Variants in DIAPH2 observed in about 807,000 individuals in gnomAD.
DIAPH2 encodes diaphanous related formin 2.
Under a neutral mutation model 92.7 loss-of-function variants are expected in DIAPH2, and 35 were observed. The observed-to-expected ratio is 0.38, with a 90% CI of 0.29 to 0.50. DIAPH2 has a LOEUF of 0.50. Among genes scored for constraint, DIAPH2 ranks in the 20% least tolerant of loss-of-function variants. The pLI, the probability that DIAPH2 is intolerant of heterozygous loss-of-function variation, is 0.94. For synonymous variants in DIAPH2, 301 were observed against 280.4 expected, an observed-to-expected ratio of 1.07 and a Z score of -0.73; for missense variants, 701 against 819.5, an observed-to-expected ratio of 0.86 and a Z score of 1.77.
chrX:97,143,070 T>A (rs2067218648), intron 22 of DIAPH2, among the ~76,000 whole-genome samples: 1 of 111,579 alleles, frequency 9.0e-6, no homozygotes, highest in Non-Finnish European at 1.9e-5. Context: ...ACTATGATTG[T>A]ATTGTATTAT....
intron 26 of DIAPH2, among the ~76,000 whole-genome samples, chrX:97,478,876 C>T (rs1257966148): frequency 1.8e-5 from 2 of 110,916 alleles, no homozygotes; most frequent in Non-Finnish European, 3.8e-5. Context: ...GGTAGAATGC[C>T]GTGGTACCTC....
chrX:97,077,346 C>T (rs1874972602), intron 19 of DIAPH2, among the ~76,000 whole-genome samples: 1 of 112,235 alleles, frequency 8.9e-6, no homozygotes, highest in Admixed American at 9.4e-5. Flanking sequence ...CATCAATTTG[C>T]CATTCATTTG....
At chrX:97,388,499 A>G (rs2069622725) in intron 25 of DIAPH2, among the ~76,000 whole-genome samples, 1 of 111,545 alleles carries the variant, frequency 9.0e-6, no homozygotes, top group South Asian at 3.8e-4. Flanking sequence ...ATATAGGTGT[A>G]TGCTAACATG....
intron 26 of DIAPH2, among the ~76,000 whole-genome samples, chrX:97,434,777 T>G (rs1215317595): frequency 9.0e-6 from 1 of 111,551 alleles, no homozygotes; most frequent in African/African-American, 3.3e-5. Context: ...AATTCAGTTT[T>G]GGATAAGTTA....
chrX:97,468,363 A>T (rs967381479), intron 26 of DIAPH2, among the ~76,000 whole-genome samples: 1 of 111,420 alleles, frequency 9.0e-6, no homozygotes, highest in Non-Finnish European at 1.9e-5. Flanking sequence ...TAGCCCCAGT[A>T]TTTTACCACT....
chrX:97,010,034 G>A (rs1602712332), intron 17 of DIAPH2, among the ~76,000 whole-genome samples: 1 of 111,900 alleles, frequency 8.9e-6, no homozygotes, highest in East Asian at 2.8e-4. Flanking sequence ...AGTTCTTGTG[G>A]CCGAGACTGT....
intron 17 of DIAPH2, among the ~76,000 whole-genome samples, chrX:96,997,921 TGAG>T (rs1056647608): frequency 1.3e-4 from 15 of 111,955 alleles, no homozygotes; most frequent in African/African-American, 4.9e-4. Flanking sequence ...ACATTAAAGG[TGAG>T]GTGGTGAATT....
At chrX:96,984,874 A>G (rs1372639192) in intron 17 of DIAPH2, among the ~76,000 whole-genome samples, 1 of 111,775 alleles carries the variant, frequency 8.9e-6, no homozygotes, top group Non-Finnish European at 1.9e-5. Context: ...TCTTCTGAAC[A>G]TTTTATATAT....
At chrX:96,956,329 G>T (rs2065810340) in intron 15 of DIAPH2, among the ~76,000 whole-genome samples, 1 of 107,016 alleles carries the variant, frequency 9.3e-6, no homozygotes, top group Non-Finnish European at 1.9e-5. Context: ...CCTGGCACAG[G>T]AAACTATTTT....
At chrX:96,962,340 T>TATATATATAC (rs1569436477) in intron 16 of DIAPH2, among the ~76,000 whole-genome samples, 10 of 39,559 alleles carry the variant, frequency 2.5e-4, no homozygotes, top group African/African-American at 8.9e-4. Context: ...TATATATACA[T>TATATATATAC]ATATATATAT....
At chrX:96,944,890 GATAA>G (rs745835696) in intron 13 of DIAPH2, among the ~76,000 whole-genome samples, 13 of 110,805 alleles carry the variant, frequency 1.2e-4, no homozygotes, top group Non-Finnish European at 2.3e-4. Flanking sequence ...ATTTCTTTTT[GATAA>G]ATAAGTGTGG....
At chrX:96,761,568 T>C (rs1397522878) in intron 4 of DIAPH2, among the ~76,000 whole-genome samples, 2 of 111,409 alleles carry the variant, frequency 1.8e-5, no homozygotes, top group African/African-American at 6.5e-5. Flanking sequence ...AACCCAGACA[T>C]GGCCAAAATA....
At chrX:97,157,334 TATAATAATA>T (rs61008919) in intron 22 of DIAPH2, among the ~76,000 whole-genome samples, 45,507 of 103,297 alleles carry the variant, frequency 0.44, 8,769 homozygotes, top group Non-Finnish European at 0.59. Flanking sequence ...ATAATAATAA[TATAATAATA>T]ATAATAATAA....
intron 26 of DIAPH2, among the ~76,000 whole-genome samples, chrX:97,462,018 A>G (rs1461712740): frequency 9.0e-6 from 1 of 110,950 alleles, no homozygotes; most frequent in Non-Finnish European, 1.9e-5. Context: ...GAAAAGGAGG[A>G]GGGGTTATGT....
rs192730769 is a variant in DIAPH2 at position 96,708,867 on chromosome X, C to T, written c.132+23677C>T. Among the ~76,000 whole-genome samples the T allele has an allele frequency of 2.5e-3, 277 of 111,346 alleles. 2 individuals are homozygous for T. The highest frequency in any genetic ancestry group is 8.5e-3 in the African/African-American group (260 of 30,607). Reference sequence around the variant, plus strand: ...AGTCTTGCCTTCATTCACATATAAGCCTATTTTTCAGAAGTTCTCTTTTTT... The same window carrying T: ...AGTCTTGCCTTCATTCACATATAAGTCTATTTTTCAGAAGTTCTCTTTTTT... On this transcript the variant is annotated intron_variant, in intron 1 of 26. Coordinates refer to ENST00000324765, the MANE Select transcript of DIAPH2 (RefSeq NM_006729.5).
chrX:97,168,378 C>T (rs542103493), intron 22 of DIAPH2, among the ~76,000 whole-genome samples: 1 of 111,351 alleles, frequency 9.0e-6, no homozygotes, highest in Admixed American at 9.6e-5. Context: ...TAAGCCACCA[C>T]GCCCAGCCTA....
chrX:96,726,103 T>C (rs2064018594), intron 1 of DIAPH2, among the ~76,000 whole-genome samples: 1 of 112,227 alleles, frequency 8.9e-6, no homozygotes, highest in Admixed American at 9.5e-5. Flanking sequence ...CTGGGTACAT[T>C]GCTTCAATAA....
In DIAPH2 at chrX:96,898,085, A is replaced by C. The variant is rs1256102474; in HGVS notation, c.588-14243A>C. On this transcript the variant is annotated intron_variant, in intron 5 of 26. Coordinates refer to ENST00000324765, the MANE Select transcript of DIAPH2 (RefSeq NM_006729.5). ...ATTTTTTATGGCTGCATAGTATTCC[A>C]TGGTGTATATGTGCCACATTTTCTT... Among the ~76,000 whole-genome samples the C allele has an allele frequency of 3.3e-5, 3 of 92,188 alleles. No individual in the cohort carries two copies. In the South Asian group the frequency reaches 2.0e-3, roughly 62 times the overall value. 80.1% of individuals were successfully genotyped at this position (92,188 alleles called of 115,157 possible).
chrX:97,175,845 C>T (rs893584640), intron 22 of DIAPH2, among the ~76,000 whole-genome samples: 4 of 111,769 alleles, frequency 3.6e-5, no homozygotes, highest in African/African-American at 6.5e-5. Flanking sequence ...TTTTTACAGA[C>T]GAATGATACG....
Sources: allele counts gnomAD v4.1 joint callset (sites outside exome capture counted in the v4.1 genomes callset), GRCh38; gene constraint gnomAD v4.1.1; transcripts MANE v1.5; gene names NCBI Gene and HGNC (gene_info 2026-07-23, HGNC 2026-07-21).